The following CSNK1D variants were observed in gnomAD, a reference collection of about 807,000 sequenced individuals.
CSNK1D encodes the protein casein kinase 1 delta.
In CSNK1D, 16 loss-of-function variants were observed where a neutral mutation model predicts 46.6. That is an observed-to-expected ratio of 0.34 (90% CI 0.23 to 0.52). The LOEUF is 0.52. Among genes scored for constraint, CSNK1D ranks in the 20% least tolerant of loss-of-function variants. The pLI is 0.95. For missense variants in CSNK1D, 398 were observed against 578.4 expected (o/e 0.69, Z 3.20); for synonymous variants, 276 against 228.2 (o/e 1.21, Z -1.89).
rs1258824010 is a variant in CSNK1D, at chr17:82,250,679, T to A, written c.885+700A>T. 1 of 169,390 alleles carries A rather than the reference T, an allele frequency of 5.9e-6. No individual in the cohort carries two copies. 10.5% of individuals were successfully genotyped at this position (169,390 alleles called of 1,614,324 possible). A position where few individuals can be genotyped will look rare whatever the true frequency, so the allele number is the denominator to read the frequency against. ...CCCTCCCTGGCCCCTGCACGACTACTGGACAAGGCTGCCGTTTTTGTACCC... is the reference window on the plus strand; with the variant it reads ...CCCTCCCTGGCCCCTGCACGACTACAGGACAAGGCTGCCGTTTTTGTACCC... On this transcript the variant is annotated intron_variant, in intron 6 of 8. Transcript: ENST00000314028. This position sits in a 1 kb window ranked among gnomAD's most constrained non-coding sequence, Gnocchi z 4.6.
chr17:82,240,339 C>T (rs142874756), downstream of CSNK1D, among the ~76,000 whole-genome samples: 65 of 152,324 alleles, frequency 4.3e-4, no homozygotes, highest in African/African-American at 1.4e-3. Flanking sequence ...AGGGAGCAGA[C>T]GAGGAGGTGG....
intron 3 of CSNK1D, chr17:82,254,248 C>T (rs1344204762): frequency 1.4e-5 from 3 of 220,848 alleles, no homozygotes; most frequent in East Asian, 2.4e-4. Context: ...CAGTGCAGTG[C>T]GCTGAGCCGC....
At chr17:82,272,609 C>CA (rs2051657643) in intron 1 of CSNK1D, among the ~76,000 whole-genome samples, 2 of 152,244 alleles carry the variant, frequency 1.3e-5, no homozygotes, top group African/African-American at 4.8e-5. Flanking sequence ...CATTTGCACT[C>CA]AGTCACCGCT....
chr17:82,239,941 G>A (rs574890411), downstream of CSNK1D: 407 of 1,194,546 alleles, frequency 3.4e-4, no homozygotes, highest in African/African-American at 5.4e-3. Context: ...AGTGGCCTGC[G>A]TGGCTGGGAG....
chr17:82,265,405 C>T (rs1017885435), intron 2 of CSNK1D: 4 of 424,384 alleles, frequency 9.4e-6, no homozygotes, highest in African/African-American at 8.1e-5. Flanking sequence ...TCTCAAACTA[C>T]TGACCTCAAA....
chr17:82,245,045 C>T (rs2050815117), intron 8 of CSNK1D: 2 of 662,546 alleles, frequency 3.0e-6, no homozygotes, highest in African/African-American at 3.6e-5. Flanking sequence ...GAGGAAGAGG[C>T]ATGCAAGCAA....
chr17:82,251,822 C>A lies in CSNK1D; in HGVS notation c.737-295G>T. ...TGGCTAACACAGTGAAACCCCATCT[C>A]TACTGAAAAAAAAAAAAAAAAAGTT... On this transcript the variant is annotated intron_variant, in intron 5 of 8. Coordinates refer to ENST00000314028, the MANE Select transcript of CSNK1D (RefSeq NM_001893.6). The surrounding 1 kb of genome is among the most constrained non-coding windows in gnomAD (Gnocchi z 4.5). 8.3e-6 allele frequency: 3 copies of A among 359,750 alleles called. No individual in the cohort carries two copies. Among genetic ancestry groups the A allele is most frequent in the Non-Finnish European group, 1.6e-5 (3 of 191,996 alleles). 22.3% of individuals were successfully genotyped at this position (359,750 alleles called of 1,614,324 possible).
At position 82,243,563 on chromosome 17, in the gene CSNK1D, G is replaced by T. The variant is rs1379145427; in HGVS notation, c.*1218C>A. The T allele has an allele frequency of 2.0e-6, 2 of 985,354 alleles. No individual in the cohort carries two copies. Among genetic ancestry groups the T allele is most frequent in the African/African-American group, 1.7e-5 (1 of 57,242 alleles). The allele number at this position is 985,354 out of a possible 1,614,324, so 61.0% of individuals were successfully genotyped here. On this transcript the variant is annotated 3_prime_UTR_variant, in exon 9 of 9. Coordinates refer to ENST00000314028, the MANE Select transcript of CSNK1D (RefSeq NM_001893.6). ...CTGACCAACAGACACGCGCCCAACAGAAGGTCACAGCGCAGACTCTACTTT... is the reference window on the plus strand; with the variant it reads ...CTGACCAACAGACACGCGCCCAACATAAGGTCACAGCGCAGACTCTACTTT...
Position 82,255,715 on chromosome 17 carries a change from A to G in CSNK1D, c.188-138T>C. On this transcript the variant is annotated intron_variant, in intron 2 of 8. Coordinates refer to ENST00000314028, the MANE Select transcript of CSNK1D (RefSeq NM_001893.6). The surrounding 1 kb of genome is among the most constrained non-coding windows in gnomAD (Gnocchi z 5.9). ...GTGGTGGAGGTAGAAGACCCCGGCAACGCCGCTCCTCAGGGACCCATCCTC... is the reference window on the plus strand; with the variant it reads ...GTGGTGGAGGTAGAAGACCCCGGCAGCGCCGCTCCTCAGGGACCCATCCTC... The G allele has an allele frequency of 9.4e-7, 1 of 1,062,236 alleles. No homozygotes were observed. Among genetic ancestry groups the G allele is most frequent in the Non-Finnish European group, 1.4e-6 (1 of 696,696 alleles). The allele number at this position is 1,062,236 out of a possible 1,614,324, so 65.8% of individuals were successfully genotyped here. A position where few individuals can be genotyped will look rare whatever the true frequency, so the allele number is the denominator to read the frequency against.
rs559711361 is a variant in CSNK1D at position 82,255,302 on chromosome 17, C to G, written c.336+127G>C. 762 of 1,169,760 alleles carry G rather than the reference C, an allele frequency of 6.5e-4. 5 individuals are homozygous for G. Among genetic ancestry groups the G allele is most frequent in the Middle Eastern group, 9.5e-4 (5 of 5,244 alleles). The allele number at this position is 1,169,760 out of a possible 1,614,324, so 72.5% of individuals were successfully genotyped here. On this transcript the variant is annotated intron_variant, in intron 3 of 8. Transcript: ENST00000314028. The surrounding 1 kb of genome is among the most constrained non-coding windows in gnomAD (Gnocchi z 5.9). ...GAGCTGAGCCACTGCAGCCTCAAGG[C>G]TGAGGCTCAGCAAATTTCCATTTCC...
chr17:82,248,964 T>A lies in CSNK1D; in HGVS notation c.1108A>T (p.Ser370Cys). Residue 370 changes from serine to cysteine, a missense_variant, in exon 8 of 9, where the codon AGT becomes TGT. Transcript: ENST00000314028. The surrounding 1 kb of genome is among the most constrained non-coding windows in gnomAD (Gnocchi z 4.1). ...VSGMERERKV[S>C]MRLHRGAPVN... ...GGGGCCCCGCGGTGCAGCCGCATACTCACTTTCCGCTCTCTCTCCATGCCG... is the reference window on the plus strand; with the variant it reads ...GGGGCCCCGCGGTGCAGCCGCATACACACTTTCCGCTCTCTCTCCATGCCG... 6.3e-7 allele frequency: 1 copy of A among 1,588,806 alleles called. No individual in the cohort carries two copies. Among genetic ancestry groups the A allele is most frequent in the Non-Finnish European group, 8.6e-7 (1 of 1,166,336 alleles).
At chr17:82,259,952 A>C (rs1194303330) in intron 2 of CSNK1D, among the ~76,000 whole-genome samples, 1 of 148,160 alleles carries the variant, frequency 6.7e-6, no homozygotes, top group African/African-American at 2.5e-5. Flanking sequence ...GTACTGACTG[A>C]TATGACTGAT....
chr17:82,273,104 T>A lies in CSNK1D; in HGVS notation c.76+202A>T. 105 of 97,078 alleles carry A rather than the reference T, an allele frequency of 1.1e-3. No individual in the cohort carries two copies. The highest frequency in any genetic ancestry group is 2.7e-3 in the Middle Eastern group (1 of 366). The allele number at this position is 97,078 out of a possible 1,614,324, so 6.0% of individuals were successfully genotyped here. On this transcript the variant is annotated intron_variant, in intron 1 of 8. Coordinates refer to ENST00000314028, the MANE Select transcript of CSNK1D (RefSeq NM_001893.6). This position sits in a 1 kb window ranked among gnomAD's most constrained non-coding sequence, Gnocchi z 5.1. ...TGCTCCCCCGACCTGGTCCTGCCCC[T>A]CCCCCACGTCCGCTCCCCACTGCCC...
At chr17:82,271,608 C>A (rs998433809) in intron 1 of CSNK1D, among the ~76,000 whole-genome samples, 1 of 152,212 alleles carries the variant, frequency 6.6e-6, no homozygotes. Context: ...ACTCAGCAGT[C>A]CACTAAGGCA....
Position 82,249,607 on chromosome 17 carries a change from G to C in CSNK1D, c.886-5C>G, listed in dbSNP as rs759447741. 3 of 1,559,802 alleles carry C rather than the reference G, an allele frequency of 1.9e-6. No homozygotes were observed. ...ATCGGCGGCCCGGCTGGCACCCTGA[G>C]GAGGCAGGAGGTGAGGCCGGAATGG... On this transcript the variant is annotated splice_region_variant and splice_polypyrimidine_tract_variant and intron_variant, in intron 6 of 8. Transcript: ENST00000314028. The surrounding 1 kb of genome is among the most constrained non-coding windows in gnomAD (Gnocchi z 6.7).
Position 82,248,426 on chromosome 17 carries a change from G to A in CSNK1D, c.1197+449C>T, listed in dbSNP as rs2050905950. ...CGTTGCAGGGCATGCCACCAGGGAG[G>A]GTCTCACAAGAAGCCCGTGGAGGTC... On this transcript the variant is annotated intron_variant, in intron 8 of 8. Transcript: ENST00000314028. The surrounding 1 kb of genome is among the most constrained non-coding windows in gnomAD (Gnocchi z 4.1). 3.9e-6 allele frequency: 4 copies of A among 1,017,930 alleles called. No homozygotes were observed. The South Asian group carries it at 1.1e-4, about 28-fold the overall frequency. The allele number at this position is 1,017,930 out of a possible 1,614,324, so 63.1% of individuals were successfully genotyped here. A position where few individuals can be genotyped will look rare whatever the true frequency, so the allele number is the denominator to read the frequency against.
In CSNK1D at chr17:82,248,128, G is replaced by A. The variant is rs982910834; in HGVS notation, c.1197+747C>T. 2.0e-6 allele frequency: 2 copies of A among 985,424 alleles called. No individual in the cohort carries two copies. The highest frequency in any genetic ancestry group is 1.2e-6 in the Non-Finnish European group (1 of 829,990). The allele number at this position is 985,424 out of a possible 1,614,324, so 61.0% of individuals were successfully genotyped here. A position where few individuals can be genotyped will look rare whatever the true frequency, so the allele number is the denominator to read the frequency against. ...GATCTGGGCACCCCCCAGGATGCCT[G>A]CTGGTGAAACAGCCCTGCCCCACTA... On this transcript the variant is annotated intron_variant, in intron 8 of 8. Transcript: ENST00000314028. The surrounding 1 kb of genome is among the most constrained non-coding windows in gnomAD (Gnocchi z 4.1).
chr17:82,252,999 C>A lies in CSNK1D; in HGVS notation c.565+17G>T. 6.2e-7 allele frequency: 1 copy of A among 1,609,852 alleles called. No individual in the cohort carries two copies. On this transcript the variant is annotated intron_variant, in intron 4 of 8. Coordinates refer to ENST00000314028, the MANE Select transcript of CSNK1D (RefSeq NM_001893.6). The surrounding 1 kb of genome is among the most constrained non-coding windows in gnomAD (Gnocchi z 4.6). ...CAAAGGCACCCCAGGTCAGTGACCCCATGCCCAGGGGCTCACCAATTCCAA... is the reference window on the plus strand; with the variant it reads ...CAAAGGCACCCCAGGTCAGTGACCCAATGCCCAGGGGCTCACCAATTCCAA...
At position 82,248,750 on chromosome 17, in the gene CSNK1D, A is replaced by G; in HGVS notation, c.1197+125T>C. On this transcript the variant is annotated intron_variant, in intron 8 of 8. Transcript: ENST00000314028. This position sits in a 1 kb window ranked among gnomAD's most constrained non-coding sequence, Gnocchi z 4.1. ...GCAACCAAGACGCCACACCCTGGCG[A>G]GATTAAAAACTCTCAAAAATGGGGG... 1 of 1,514,544 alleles carries G rather than the reference A, an allele frequency of 6.6e-7. No homozygotes were observed. The highest frequency in any genetic ancestry group is 8.8e-7 in the Non-Finnish European group (1 of 1,133,708). The allele number at this position is 1,514,544 out of a possible 1,614,324, so 93.8% of individuals were successfully genotyped here.
Sources: gnomAD v4.1 joint callset for allele counts (sites outside exome capture counted in the v4.1 genomes callset) on GRCh38, gnomAD v4.1.1 for gene constraint, Gnocchi (gnomAD v3.1) non-coding constraint, MANE v1.5 for transcripts, NCBI Gene and HGNC (gene_info 2026-07-23, HGNC 2026-07-21) for gene names.